TRIO: variants seen among roughly 807,000 people sequenced by gnomAD.
TRIO encodes trio Rho guanine nucleotide exchange factor.
A neutral mutation model predicts 351.9 loss-of-function variants in TRIO; 58 were observed. The observed-to-expected ratio is 0.16, with a 90% CI of 0.13 to 0.21. The LOEUF (loss-of-function observed/expected upper bound fraction) is 0.21. TRIO is among the 10% of genes least tolerant of loss of function. The probability of loss-of-function intolerance (pLI) is 1.00; values close to 1 mark genes in which losing one functional copy is unlikely to be tolerated. For missense variants in TRIO, 3,201 were observed against 4,027.8 expected, an observed-to-expected ratio of 0.79 and a Z score of 5.56; for synonymous variants, 1,758 against 1,595.7, an observed-to-expected ratio of 1.10 and a Z score of -2.42.
intron 1 of TRIO, among the ~76,000 whole-genome samples, chr5:14,179,022 G>T (rs1401787325): frequency 2.6e-5 from 4 of 152,224 alleles, no homozygotes; most frequent in African/African-American, 9.6e-5. Context: ...TCAGAAGGGG[G>T]TCTTTGTACT....
At chr5:14,408,240 T>A (rs1233385897) in intron 33 of TRIO, among the ~76,000 whole-genome samples, 1 of 152,230 alleles carries the variant, frequency 6.6e-6, no homozygotes, top group African/African-American at 2.4e-5. Flanking sequence ...ATACTTAATG[T>A]TCTAGTTTCA....
At chr5:14,409,418 T>C (rs1317983896) in intron 33 of TRIO, among the ~76,000 whole-genome samples, 2 of 149,662 alleles carry the variant, frequency 1.3e-5, no homozygotes, top group East Asian at 2.0e-4. Flanking sequence ...AGCAGTCCAC[T>C]AGGGTATGAA....
At chr5:14,403,635 T>C (rs1748394986) in intron 31 of TRIO, among the ~76,000 whole-genome samples, 1 of 110,886 alleles carries the variant, frequency 9.0e-6, no homozygotes. Context: ...GTTGTGGTGG[T>C]GAGGGTGCAG....
intron 49 of TRIO, among the ~76,000 whole-genome samples, chr5:14,495,164 GGCAGAAACA>G (rs1340624343): frequency 6.6e-6 from 1 of 152,126 alleles, no homozygotes; most frequent in Non-Finnish European, 1.5e-5. Flanking sequence ...ACTCAGATGT[GGCAGAAACA>G]GCAAGAAAAA....
intron 1 of TRIO, among the ~76,000 whole-genome samples, chr5:14,237,667 T>TA (rs1476776577): frequency 6.6e-6 from 1 of 152,220 alleles, no homozygotes; most frequent in Non-Finnish European, 1.5e-5. Flanking sequence ...ATATGAGGCA[T>TA]AAAACCCTCT....
Position 14,159,855 on chromosome 5 carries a change from G to A in TRIO, c.157+15973G>A, listed in dbSNP as rs1487678711. 2.6e-5 allele frequency among the ~76,000 whole-genome samples: 4 copies of A among 152,164 alleles called. No individual in the cohort carries two copies. In the East Asian group the frequency reaches 7.7e-4, roughly 29 times the overall value. Reference sequence around the variant, plus strand: ...GCTGGGATTACAGGCGTGAGCCACCGCGTCCGGCCGAGCTTTATATTCTTG... The same window carrying A: ...GCTGGGATTACAGGCGTGAGCCACCACGTCCGGCCGAGCTTTATATTCTTG... On this transcript the variant is annotated intron_variant, in intron 1 of 56. Coordinates refer to ENST00000344204, the MANE Select transcript of TRIO (RefSeq NM_007118.4).
intron 1 of TRIO, among the ~76,000 whole-genome samples, chr5:14,187,061 T>A (rs571150894): frequency 1.3e-5 from 2 of 152,262 alleles, no homozygotes; most frequent in South Asian, 4.2e-4. Context: ...GGAGAAGTCG[T>A]GTGATGAAGA....
rs370795998 is a variant in TRIO at position 14,473,974 on chromosome 5, T to C, written c.5980-20T>C. On this transcript the variant is annotated intron_variant, in intron 39 of 56. Transcript: ENST00000344204. ...AGACATATTCCATGAAATACACTTA[T>C]CATAACTGTTTAATTGTAGGGCTAC... The C allele has an allele frequency of 2.6e-5, 42 of 1,607,404 alleles. No individual in the cohort carries two copies. The African/African-American group carries it at 4.0e-4, about 15-fold the overall frequency.
chr5:14,264,819 G>A (rs893486208), intron 1 of TRIO, among the ~76,000 whole-genome samples: 1 of 152,206 alleles, frequency 6.6e-6, no homozygotes, highest in African/African-American at 2.4e-5. Flanking sequence ...ACCTCCCTCT[G>A]CGCGTGCGCT....
intron 29 of TRIO, among the ~76,000 whole-genome samples, chr5:14,398,085 G>A (rs1240454760): frequency 6.6e-6 from 1 of 152,164 alleles, no homozygotes; most frequent in Non-Finnish European, 1.5e-5. Context: ...AGGTACCTGA[G>A]CTGCTTTTAA....
chr5:14,367,576 A>C (rs1744713281), intron 16 of TRIO, among the ~76,000 whole-genome samples: 1 of 152,240 alleles, frequency 6.6e-6, no homozygotes, highest in African/African-American at 2.4e-5. Context: ...GGCCTGATCC[A>C]ATTAACTGTC....
At chr5:14,250,354 C>A (rs956730048) in intron 1 of TRIO, among the ~76,000 whole-genome samples, 1 of 152,202 alleles carries the variant, frequency 6.6e-6, no homozygotes, top group Non-Finnish European at 1.5e-5. Flanking sequence ...TGCCTGCTCC[C>A]CCTGGCCAGG....
At chr5:14,342,113 A>C (rs930039805) in intron 11 of TRIO, among the ~76,000 whole-genome samples, 4 of 151,240 alleles carry the variant, frequency 2.6e-5, no homozygotes, top group Admixed American at 6.6e-5. Flanking sequence ...AGGGGAAAAG[A>C]GGGAGAAAGC....
At chr5:14,391,057 A>T in intron 27 of TRIO, 67 bp downstream of exon 27, 1 of 1,265,886 alleles carries the variant, frequency 7.9e-7, no homozygotes, top group Non-Finnish European at 1.1e-6. Context: ...GGCATTACTC[A>T]TAACTTTCAC....
In TRIO at chr5:14,488,223, C is replaced by T. The variant is rs1400453441; in HGVS notation, c.7595C>T (p.Ala2532Val). ...DTDRMSTCSS[A>V]SEQSVQSTQS... is the part of the protein sequence containing the mutation. ...GACCGCATGAGCACGTGCTCCTCGG[C>T]CAGCGAGCAGTCCGTGCAGTCCACC... The change falls in exon 48 of 57, where the codon GCC (alanine) becomes GTC (valine). Residue 2532 changes from alanine (A) to valine (V), a missense_variant. By Grantham distance (64) the Ala-to-Val change is moderately conservative. Transcript: ENST00000344204. 1.3e-6 allele frequency: 2 copies of T among 1,588,990 alleles called. No homozygotes were observed. Among genetic ancestry groups the T allele is most frequent in the Non-Finnish European group, 8.5e-7 (1 of 1,174,936 alleles).
At chr5:14,467,116 A>G (rs1047362660) in intron 37 of TRIO, among the ~76,000 whole-genome samples, 13 of 152,372 alleles carry the variant, frequency 8.5e-5, no homozygotes, top group Middle Eastern at 3.4e-3. Context: ...GCTATAATTT[A>G]TTTAAATATA....
In TRIO at chr5:14,497,806, A is replaced by G; in HGVS notation, c.8020-41A>G. Reference sequence around the variant, plus strand: ...GAATGAAAGGAATACACCTTAAAGTAGCTCATTTCAGTTAATGCTTGTTTG... The same window carrying G: ...GAATGAAAGGAATACACCTTAAAGTGGCTCATTTCAGTTAATGCTTGTTTG... On this transcript the variant is annotated intron_variant, in intron 50 of 56. Coordinates refer to ENST00000344204, the MANE Select transcript of TRIO (RefSeq NM_007118.4). This position sits in a 1 kb window ranked among gnomAD's most constrained non-coding sequence, Gnocchi z 4.4. The G allele has an allele frequency of 6.2e-7, 1 of 1,613,276 alleles. No individual in the cohort carries two copies. Among genetic ancestry groups the G allele is most frequent in the Non-Finnish European group, 8.5e-7 (1 of 1,179,176 alleles).
chr5:14,388,596 G>C lies in TRIO; in HGVS notation c.3882-17G>C. On this transcript the variant is annotated splice_polypyrimidine_tract_variant and intron_variant, in intron 23 of 56. Coordinates refer to ENST00000344204, the MANE Select transcript of TRIO (RefSeq NM_007118.4). ...CTGCACCCTGACTGTACTCCTCACT[G>C]TCTTCCTCTCTTTAAGGTTCATAAT... The C allele has an allele frequency of 6.2e-7, 1 of 1,610,438 alleles. No individual in the cohort carries two copies. The highest frequency in any genetic ancestry group is 8.5e-7 in the Non-Finnish European group (1 of 1,178,892).
chr5:14,444,212 A>G (rs923040585), intron 34 of TRIO, among the ~76,000 whole-genome samples: 1 of 152,250 alleles, frequency 6.6e-6, no homozygotes, highest in African/African-American at 2.4e-5. Context: ...CTGAAGAAAT[A>G]CATAATATGA....
Sources: allele counts gnomAD v4.1 joint callset (sites outside exome capture counted in the v4.1 genomes callset), GRCh38; gene constraint gnomAD v4.1.1; non-coding constraint Gnocchi (gnomAD v3.1); transcripts MANE v1.5; gene names NCBI Gene and HGNC (gene_info 2026-07-23, HGNC 2026-07-21).